Variants in COLGALT2 observed in about 807,000 individuals in gnomAD.
COLGALT2 encodes collagen beta(1-O)galactosyltransferase 2.
COLGALT2 carries 49 observed loss-of-function variants against 73.4 expected under a neutral mutation model. That is an observed-to-expected ratio of 0.67 (90% CI 0.53 to 0.85). The LOEUF (loss-of-function observed/expected upper bound fraction) is 0.85, where lower values mean the gene tolerates loss of function less well. COLGALT2 is among the 40% of genes least tolerant of loss of function. The pLI is 0.00. For missense variants in COLGALT2, 722 were observed against 790.2 expected (o/e 0.91, Z 1.03); for synonymous variants, 295 against 307.6 (o/e 0.96, Z 0.43).
chr1:183,944,309 C>T lies in COLGALT2; in HGVS notation c.1284G>A (p.Glu428=), dbSNP rs200107460. 10 of 1,612,638 alleles carry T rather than the reference C, an allele frequency of 6.2e-6. No individual in the cohort carries two copies. The highest frequency in any genetic ancestry group is 8.5e-6 in the Non-Finnish European group (10 of 1,179,598). The change falls in exon 10 of 12, where the codon GAG becomes GAA. Residue 428 remains glutamate, a synonymous_variant. Transcript: ENST00000361927. ...CTTCAATTACAAGAGTCTTCTCTAG[C>T]TCTCGATCAATTACCTGCAAAAGTC... is the stretch of plus-strand genomic sequence containing the variant. ...YSVWKEVIDR[E]LEKTLVIEDD...
intron 2 of COLGALT2, among the ~76,000 whole-genome samples, chr1:183,977,482 A>AAG (rs1553316962): frequency 2.7e-5 from 4 of 150,690 alleles, no homozygotes; most frequent in African/African-American, 7.3e-5. Context: ...AAAAAAAAAA[A>AAG]AAAGAAAGAA....
intron 1 of COLGALT2, among the ~76,000 whole-genome samples, chr1:184,010,066 A>G (rs1357952010): frequency 6.6e-6 from 1 of 152,170 alleles, no homozygotes; most frequent in Non-Finnish European, 1.5e-5. Flanking sequence ...AAAATCTTCC[A>G]CTGGATACAG....
At chr1:183,964,562 A>G (rs1670813883) in intron 5 of COLGALT2, 2 of 152,938 alleles carry the variant, frequency 1.3e-5, no homozygotes, top group South Asian at 2.1e-4. Flanking sequence ...CTTAGCAGGC[A>G]TGGATTTGGA....
intron 11 of COLGALT2, among the ~76,000 whole-genome samples, chr1:183,930,569 C>CTTTTTTTTTT (rs397861890): frequency 4.7e-4 from 54 of 114,056 alleles, no homozygotes; most frequent in African/African-American, 6.4e-4. Flanking sequence ...TTTTCTTTTT[C>CTTTTTTTTTT]TTTTTTTTTT....
chr1:183,957,252 A>T (rs1670577960), intron 6 of COLGALT2, among the ~76,000 whole-genome samples: 1 of 152,172 alleles, frequency 6.6e-6, no homozygotes, highest in Non-Finnish European at 1.5e-5. Context: ...CTATTTTTAT[A>T]GACAAGGAAA....
intron 6 of COLGALT2, among the ~76,000 whole-genome samples, chr1:183,961,329 T>C (rs1170102959): frequency 6.6e-6 from 1 of 152,146 alleles, no homozygotes; most frequent in Non-Finnish European, 1.5e-5. Flanking sequence ...TCTTTATTGA[T>C]GACACGTGCA....
In COLGALT2 at chr1:183,990,220, G is replaced by A. The variant is rs549079477; in HGVS notation, c.264-11700C>T. On this transcript the variant is annotated intron_variant, in intron 1 of 11. Transcript: ENST00000361927. Reference sequence around the variant, plus strand: ...AGGCTCAATGACAGCAGAGACATTTGTCTCTTCTGTTTACTCCTCCATTCT... The same window carrying A: ...AGGCTCAATGACAGCAGAGACATTTATCTCTTCTGTTTACTCCTCCATTCT... Among the ~76,000 whole-genome samples, 124 of 152,336 alleles carry A rather than the reference G, an allele frequency of 8.1e-4. 1 individual carries two copies. Among genetic ancestry groups the A allele is most frequent in the African/African-American group, 2.8e-3 (118 of 41,576 alleles).
chr1:184,006,951 C>T (rs1333883429), intron 1 of COLGALT2, among the ~76,000 whole-genome samples: 1 of 152,196 alleles, frequency 6.6e-6, no homozygotes, highest in Non-Finnish European at 1.5e-5. Flanking sequence ...GATGAGTGAA[C>T]TTGGTTGTTC....
chr1:183,937,115 C>T lies in COLGALT2; in HGVS notation c.*1646G>A, dbSNP rs963812771. On this transcript the variant is annotated 3_prime_UTR_variant, in exon 12 of 12. Coordinates refer to ENST00000361927, the MANE Select transcript of COLGALT2 (RefSeq NM_015101.4). ...GCTTAAAGTGTATCTTACACTCGTA[C>T]ACTAAGCTTGTGTATGTAGCACCAC... is the stretch of plus-strand genomic sequence containing the variant. 1.6e-6 allele frequency: 2 copies of T among 1,230,186 alleles called. No individual in the cohort carries two copies. Among genetic ancestry groups the T allele is most frequent in the Non-Finnish European group, 2.0e-6 (2 of 987,560 alleles). The allele number at this position is 1,230,186 out of a possible 1,614,324, so 76.2% of individuals were successfully genotyped here. A position where few individuals can be genotyped will look rare whatever the true frequency, so the allele number is the denominator to read the frequency against.
At chr1:184,023,388 A>G (rs1327318661) in intron 1 of COLGALT2, among the ~76,000 whole-genome samples, 1 of 152,192 alleles carries the variant, frequency 6.6e-6, no homozygotes, top group Non-Finnish European at 1.5e-5. Flanking sequence ...CTATATAATG[A>G]CACTACTGTG....
chr1:183,973,329 G>T (rs1286675383), intron 4 of COLGALT2, among the ~76,000 whole-genome samples: 1 of 152,082 alleles, frequency 6.6e-6, no homozygotes, highest in East Asian at 1.9e-4. Context: ...AGGACAAAAA[G>T]AATTAATTAA....
At chr1:183,958,256 A>G (rs1298853761) in intron 6 of COLGALT2, among the ~76,000 whole-genome samples, 1 of 152,152 alleles carries the variant, frequency 6.6e-6, no homozygotes, top group East Asian at 1.9e-4. Context: ...TCTACAATTC[A>G]GAAATTCCCT....
At chr1:183,970,273 C>T (rs1216292571) in intron 4 of COLGALT2, among the ~76,000 whole-genome samples, 1 of 152,160 alleles carries the variant, frequency 6.6e-6, no homozygotes, top group Non-Finnish European at 1.5e-5. Flanking sequence ...GAAGATATAT[C>T]TCAACAAAAC....
At chr1:183,972,534 C>G (rs1005294947) in intron 4 of COLGALT2, among the ~76,000 whole-genome samples, 1 of 151,466 alleles carries the variant, frequency 6.6e-6, no homozygotes, top group East Asian at 1.9e-4. Flanking sequence ...TAAAACAGAC[C>G]ACTATTTTGA....
At chr1:184,027,311 T>C (rs902075806) in intron 1 of COLGALT2, among the ~76,000 whole-genome samples, 1 of 152,204 alleles carries the variant, frequency 6.6e-6, no homozygotes, top group African/African-American at 2.4e-5. Context: ...CATAGCCTTC[T>C]AGGAGCTCAT....
chr1:183,986,884 C>A (rs1572658778), intron 1 of COLGALT2, among the ~76,000 whole-genome samples: 1 of 152,060 alleles, frequency 6.6e-6, no homozygotes, highest in African/African-American at 2.4e-5. Context: ...TCTAATCCAT[C>A]CCTCAACACC....
chr1:183,943,094 T>C (rs953655972), intron 10 of COLGALT2, among the ~76,000 whole-genome samples: 5 of 152,246 alleles, frequency 3.3e-5, no homozygotes, highest in African/African-American at 1.2e-4. Flanking sequence ...CTCAAGGGAC[T>C]GTGCAGAATG....
At chr1:183,951,367 T>A (rs1369017516) in intron 7 of COLGALT2, among the ~76,000 whole-genome samples, 1 of 152,206 alleles carries the variant, frequency 6.6e-6, no homozygotes, top group Admixed American at 6.5e-5. Context: ...GATAAATATG[T>A]TCTCCCTTCT....
Position 184,037,270 on chromosome 1 carries a change from C to T in COLGALT2, c.88G>A (p.Val30Ile). The change falls in exon 1 of 12, where the codon GTC becomes ATC. Residue 30 changes from valine (V) to isoleucine (I), a missense_variant. Transcript: ENST00000361927. ...LLREGCRARF[V>I]AERDSEDDGE... ...TCGTCCTCCGAGTCCCGCTCGGCGA[C>T]GAAGCGCGCTCGGCAGCCTTCGCGG... The T allele has an allele frequency of 5.1e-6, 8 of 1,560,964 alleles. No individual in the cohort carries two copies. Among genetic ancestry groups the T allele is most frequent in the Non-Finnish European group, 6.9e-6 (8 of 1,155,210 alleles).
Sources: allele counts gnomAD v4.1 joint callset (sites outside exome capture counted in the v4.1 genomes callset), GRCh38; gene constraint gnomAD v4.1.1; transcripts MANE v1.5; gene names NCBI Gene and HGNC (gene_info 2026-07-23, HGNC 2026-07-21).